ANKRD36: variants seen among roughly 807,000 people sequenced by gnomAD.
ANKRD36 encodes the protein ankyrin repeat domain-containing protein 36A.
A neutral mutation model predicts 278.1 loss-of-function variants in ANKRD36; 179 were observed. The ratio of observed to expected loss-of-function variants is 0.64; its 90% CI spans 0.57 to 0.73. The LOEUF is 0.73. Ranked by LOEUF, ANKRD36 falls within the 30% of genes least tolerant of loss-of-function variation. ANKRD36 has a pLI of 0.00. For missense variants in ANKRD36, 1,159 were observed against 1,956.7 expected (o/e 0.59, Z 7.69); for synonymous variants, 320 against 641.1 (o/e 0.50, Z 7.57).
chr2:97,222,447 G>A (rs1423811898), intron 66 of ANKRD36, among the ~76,000 whole-genome samples: 2 of 152,182 alleles, frequency 1.3e-5, no homozygotes, highest in South Asian at 4.2e-4. Context: ...GCCACCAATG[G>A]TGTAGGAGGG....
At chr2:97,260,835 T>C (rs2076670962) in intron 75 of ANKRD36, among the ~76,000 whole-genome samples, 1 of 103,908 alleles carries the variant, frequency 9.6e-6, no homozygotes, top group Non-Finnish European at 1.7e-5. Flanking sequence ...CTGCAGCTTC[T>C]CTATCAGCAC....
rs886434859 is a variant in ANKRD36, at chr2:97,179,623, C to T, written c.1634-115C>T. The stretch of plus-strand genomic sequence containing the variant: ...ACAAAGTATAAAATATCAAAGCCTA[C>T]AGTAATACAGGCAGGAGTACAAAAC... On this transcript the variant is annotated intron_variant, in intron 22 of 75. Coordinates refer to ENST00000420699, the MANE Select transcript of ANKRD36 (RefSeq NM_001354587.1). The T allele has an allele frequency of 6.3e-6, 8 of 1,265,820 alleles. No individual in the cohort carries two copies. The African/African-American group carries it at 1.1e-4, about 17-fold the overall frequency. 78.4% of individuals were successfully genotyped at this position (1,265,820 alleles called of 1,614,324 possible).
At chr2:97,194,811 C>G (rs754776932) in intron 39 of ANKRD36, 34 bp from the exon 40 acceptor site, 3 of 1,602,380 alleles carry the variant, frequency 1.9e-6, no homozygotes, top group Admixed American at 1.7e-5. Context: ...ATGAAACATA[C>G]CTTATTTATT....
At chr2:97,220,695 G>A (rs1435636051) in intron 66 of ANKRD36, among the ~76,000 whole-genome samples, 1 of 142,950 alleles carries the variant, frequency 7.0e-6, no homozygotes, top group Non-Finnish European at 1.5e-5. Context: ...AACATGTCAG[G>A]ACAGATTTCT....
intron 22 of ANKRD36, among the ~76,000 whole-genome samples, chr2:97,175,700 C>A (rs1213769254): frequency 1.3e-5 from 2 of 150,036 alleles, no homozygotes; most frequent in African/African-American, 4.9e-5. Flanking sequence ...TTTTCTAGTT[C>A]TTTTAATTGT....
intron 22 of ANKRD36, among the ~76,000 whole-genome samples, chr2:97,177,914 T>C (rs1321462962): frequency 1.3e-5 from 2 of 150,744 alleles, no homozygotes; most frequent in Non-Finnish European, 3.0e-5. Context: ...GAGAAAATTT[T>C]TGCAACCTAC....
chr2:97,228,120 G>A (rs543882234), intron 67 of ANKRD36, among the ~76,000 whole-genome samples: 270 of 152,094 alleles, frequency 1.8e-3, no homozygotes, highest in African/African-American at 2.4e-3. Context: ...GTCTCTGCCC[G>A]GCTTTGGTAT....
intron 20 of ANKRD36, among the ~76,000 whole-genome samples, chr2:97,165,375 T>A (rs1474467268): frequency 2.0e-5 from 3 of 152,174 alleles, no homozygotes; most frequent in Non-Finnish European, 4.4e-5. Flanking sequence ...AATTAAAATC[T>A]CTTCATGCTG....
intron 50 of ANKRD36, 64 bp from the exon 51 acceptor site, chr2:97,205,876 T>G (rs2062707992): frequency 6.7e-7 from 1 of 1,497,516 alleles, no homozygotes. Context: ...TAACTCTGCT[T>G]GAATGTATGG....
rs567939433 is a variant in ANKRD36, at chr2:97,211,608, A to T, written c.3396+34A>T. On this transcript the variant is annotated intron_variant, in intron 57 of 75. Coordinates refer to ENST00000420699, the MANE Select transcript of ANKRD36 (RefSeq NM_001354587.1). ...GCTCTCATTTATATTTTGAACTATTAACTGTATAGTATATGAAATATACTT... is the reference window on the plus strand; with the variant it reads ...GCTCTCATTTATATTTTGAACTATTTACTGTATAGTATATGAAATATACTT... 31 of 1,603,246 alleles carry T rather than the reference A, an allele frequency of 1.9e-5. No individual in the cohort carries two copies. The South Asian group carries it at 3.3e-4, about 17-fold the overall frequency.
chr2:97,210,414 A>C (rs1213219907), intron 56 of ANKRD36, among the ~76,000 whole-genome samples: 1 of 151,828 alleles, frequency 6.6e-6, no homozygotes, highest in Non-Finnish European at 1.5e-5. Flanking sequence ...AACTCACTTC[A>C]GATGCATTTA....
chr2:97,207,297 T>A (rs13035637), intron 52 of ANKRD36, among the ~76,000 whole-genome samples: 53 of 150,688 alleles, frequency 3.5e-4, no homozygotes, highest in African/African-American at 8.1e-4. Flanking sequence ...TGAATTTAGG[T>A]CACTTCCACT....
chr2:97,145,741 G>A (rs116790223), intron 10 of ANKRD36, among the ~76,000 whole-genome samples: 1 of 151,766 alleles, frequency 6.6e-6, no homozygotes, highest in Non-Finnish European at 1.5e-5. Context: ...GTTCCCATTG[G>A]TGACTGACAA....
At chr2:97,156,589 A>G (rs1338316255) in intron 15 of ANKRD36, among the ~76,000 whole-genome samples, 97 of 128,868 alleles carry the variant, frequency 7.5e-4, no homozygotes, top group South Asian at 1.8e-3. Context: ...CATGGTGTAT[A>G]TGTGCCACAT....
chr2:97,198,838 C>T (rs1472976720), intron 44 of ANKRD36, among the ~76,000 whole-genome samples, 180 bp downstream of exon 44: 3 of 151,706 alleles, frequency 2.0e-5, no homozygotes, highest in East Asian at 2.0e-4. Flanking sequence ...ACATGATCTT[C>T]GCAGTAAGAT....
intron 26 of ANKRD36, 92 bp from the exon 27 acceptor site, chr2:97,183,367 G>A (rs2056703867): frequency 7.1e-7 from 1 of 1,403,112 alleles, no homozygotes; most frequent in South Asian, 1.4e-5. Flanking sequence ...GTGCAGGCAG[G>A]AGGATACAGC....
chr2:97,232,167 TTC>T (rs1257711578), intron 67 of ANKRD36, among the ~76,000 whole-genome samples: 1 of 152,066 alleles, frequency 6.6e-6, no homozygotes, highest in Non-Finnish European at 1.5e-5. Context: ...TTTAAAATTT[TTC>T]TCTTTTTACA....
At chr2:97,143,946 A>C (rs894449737) in intron 8 of ANKRD36, among the ~76,000 whole-genome samples, 2 of 152,128 alleles carry the variant, frequency 1.3e-5, no homozygotes, top group African/African-American at 4.8e-5. Context: ...GTGAGAAATA[A>C]GGAATATTAT....
Position 97,211,659 on chromosome 2 carries a change from T to G in ANKRD36, c.3397-10T>G. ...TATTTATTGACTGTTTTGTTTCAAA[T>G]TCTATTCAGGCTATCTGTGACAAGG... On this transcript the variant is annotated splice_polypyrimidine_tract_variant and intron_variant, in intron 57 of 75. Coordinates refer to ENST00000420699, the MANE Select transcript of ANKRD36 (RefSeq NM_001354587.1). 2 of 1,594,472 alleles carry G rather than the reference T, an allele frequency of 1.3e-6. No homozygotes were observed.
Sources: gnomAD v4.1 joint callset for allele counts (sites outside exome capture counted in the v4.1 genomes callset) on GRCh38, gnomAD v4.1.1 for gene constraint, MANE v1.5 for transcripts, NCBI Gene and HGNC (gene_info 2026-07-23, HGNC 2026-07-21) for gene names.